Variants in NAT1 observed in about 807,000 individuals in gnomAD.
The protein encoded by NAT1 is arylamine N-acetyltransferase 1.
For synonymous variants in NAT1, 144 were observed against 122.6 expected (o/e 1.17, Z -1.16); for missense variants, 400 against 339.2 (o/e 1.18, Z -1.41).
At chr8:18,186,835 G>GA (rs1802758213) in intron 2 of NAT1, among the ~76,000 whole-genome samples, 1 of 152,108 alleles carries the variant, frequency 6.6e-6, no homozygotes, top group Non-Finnish European at 1.5e-5. Flanking sequence ...CACAGCAAAA[G>GA]AAACTATCAA....
At chr8:18,199,011 C>T (rs1444519973) in intron 2 of NAT1, among the ~76,000 whole-genome samples, 1 of 151,696 alleles carries the variant, frequency 6.6e-6, no homozygotes, top group East Asian at 2.0e-4. Context: ...CAACTGAAAT[C>T]TCCTTTAAGA....
intron 2 of NAT1, among the ~76,000 whole-genome samples, chr8:18,178,969 A>G (rs1000095301): frequency 1.1e-4 from 17 of 152,110 alleles, no homozygotes; most frequent in African/African-American, 4.1e-4. Flanking sequence ...ATCCTTCTCT[A>G]TAGAATACCT....
At chr8:18,219,616 T>A (rs564391555) in intron 2 of NAT1, 127 bp downstream of exon 2, 1 of 570,238 alleles carries the variant, frequency 1.8e-6, no homozygotes, top group East Asian at 3.0e-5. Context: ...ATTCTACAAG[T>A]GGATATATAA....
chr8:18,197,823 G>T (rs1412313302), intron 2 of NAT1, among the ~76,000 whole-genome samples: 1 of 151,730 alleles, frequency 6.6e-6, no homozygotes, highest in African/African-American at 2.4e-5. Flanking sequence ...CATGTGACCT[G>T]GTTCTGACCA....
chr8:18,214,947 C>T (rs1245320715), intron 1 of NAT1, among the ~76,000 whole-genome samples: 2 of 152,328 alleles, frequency 1.3e-5, no homozygotes, highest in Non-Finnish European at 1.5e-5. Context: ...TATTTCATTT[C>T]CTGCTCCTAT....
intron 2 of NAT1, among the ~76,000 whole-genome samples, chr8:18,174,406 T>G (rs1802210952): frequency 6.6e-6 from 1 of 152,104 alleles, no homozygotes; most frequent in Admixed American, 6.6e-5. Context: ...ACCTCACCCC[T>G]TAATTTCCTC....
At position 18,222,537 on chromosome 8, in the gene NAT1, A is replaced by T; in HGVS notation, c.490A>T (p.Ile164Phe). Residue 164 changes from isoleucine to phenylalanine, a missense_variant, in exon 3 of 3, where the codon ATC (isoleucine) becomes TTC (phenylalanine). Ile to Phe is a conservative substitution (Grantham distance 21). Transcript: ENST00000307719. The part of the protein sequence containing the change: ...EENGFWYLDQ[I>F]RREQYIPNEE... Reference sequence around the variant, plus strand: ...GAATGGATTCTGGTATCTAGACCAAATCAGAAGGGAACAGTACATTCCAAA... The same window carrying T: ...GAATGGATTCTGGTATCTAGACCAATTCAGAAGGGAACAGTACATTCCAAA... The T allele has an allele frequency of 6.2e-7, 1 of 1,614,150 alleles. No individual in the cohort carries two copies. The highest frequency in any genetic ancestry group is 8.5e-7 in the Non-Finnish European group (1 of 1,180,012).
chr8:18,170,855 C>T (rs992125053), intron 2 of NAT1: 1 of 151,990 alleles, frequency 6.6e-6, no homozygotes, highest in South Asian at 2.1e-4. Context: ...GAGCTCTCCA[C>T]GTTTATCTCA....
intron 2 of NAT1, among the ~76,000 whole-genome samples, chr8:18,185,344 T>C (rs1161608588): frequency 6.6e-6 from 1 of 152,214 alleles, no homozygotes; most frequent in East Asian, 1.9e-4. Flanking sequence ...TTCAGGATTA[T>C]TTAGAATTTC....
intron 2 of NAT1, among the ~76,000 whole-genome samples, chr8:18,199,829 A>C (rs1803388509): frequency 6.6e-6 from 1 of 152,226 alleles, no homozygotes; most frequent in Non-Finnish European, 1.5e-5. Context: ...GCAAAAAACA[A>C]ACAGCCACAT....
intron 2 of NAT1, among the ~76,000 whole-genome samples, chr8:18,173,527 A>G (rs1802177135): frequency 6.6e-6 from 1 of 152,148 alleles, no homozygotes; most frequent in African/African-American, 2.4e-5. Context: ...CTTTCTAATA[A>G]CTGGGATGGC....
upstream of NAT1, among the ~76,000 whole-genome samples, chr8:18,208,126 G>T (rs907070483): frequency 6.6e-6 from 1 of 151,436 alleles, no homozygotes; most frequent in African/African-American, 2.4e-5. Context: ...GGTGAGGAGG[G>T]TGGGGGTATG....
At chr8:18,186,388 A>C (rs967920828) in intron 2 of NAT1, among the ~76,000 whole-genome samples, 4 of 152,142 alleles carry the variant, frequency 2.6e-5, no homozygotes, top group Non-Finnish European at 5.9e-5. Context: ...AGCTTGCATG[A>C]TACTGGTGTA....
chr8:18,207,390 G>GTT (rs28741078), upstream of NAT1, among the ~76,000 whole-genome samples: 1 of 151,364 alleles, frequency 6.6e-6, no homozygotes, highest in African/African-American at 2.4e-5. Flanking sequence ...TTTTAAAATA[G>GTT]TTTTTTTTTC....
At chr8:18,176,225 T>G (rs1802289608) in intron 2 of NAT1, among the ~76,000 whole-genome samples, 1 of 152,064 alleles carries the variant, frequency 6.6e-6, no homozygotes, top group South Asian at 2.1e-4. Flanking sequence ...GATCCCAATT[T>G]GTCCACTTTT....
intron 2 of NAT1, among the ~76,000 whole-genome samples, chr8:18,194,548 C>T (rs902866848): frequency 6.6e-6 from 1 of 151,918 alleles, no homozygotes; most frequent in African/African-American, 2.4e-5. Flanking sequence ...TGGCTGGGCA[C>T]GGTGGCTCAC....
intron 2 of NAT1, among the ~76,000 whole-genome samples, chr8:18,180,578 T>C (rs917811908): frequency 6.6e-6 from 1 of 152,238 alleles, no homozygotes. Context: ...TAAAATGAGT[T>C]TGAGTTCTAT....
chr8:18,222,723 C>G lies in NAT1; in HGVS notation c.676C>G (p.Gln226Glu). 1.2e-6 allele frequency: 2 copies of G among 1,613,976 alleles called. No homozygotes were observed. The highest frequency in any genetic ancestry group is 8.5e-7 in the Non-Finnish European group (1 of 1,179,948). ...VFTSKSFCSL[Q>E]TPDGVHCLVG... Reference sequence around the variant, plus strand: ...TACTAGTAAATCATTTTGTTCCTTGCAGACCCCAGATGGGGTTCACTGTTT... The same window carrying G: ...TACTAGTAAATCATTTTGTTCCTTGGAGACCCCAGATGGGGTTCACTGTTT... The change falls in exon 3 of 3, where the codon CAG (glutamine) becomes GAG (glutamate). Residue 226 changes from glutamine (Q) to glutamate (E), a missense_variant. Physicochemically the swap from Gln to Glu is conservative, Grantham distance 29 (BLOSUM62 2). Coordinates refer to ENST00000307719, the MANE Select transcript of NAT1 (RefSeq NM_000662.8).
intron 2 of NAT1, among the ~76,000 whole-genome samples, chr8:18,192,749 C>G (rs1803051124): frequency 1.3e-5 from 2 of 151,394 alleles, no homozygotes; most frequent in African/African-American, 4.9e-5. Context: ...GACAAAAAAC[C>G]AAACACTGCA....
Sources: gnomAD v4.1 joint callset for allele counts (sites outside exome capture counted in the v4.1 genomes callset) on GRCh38, gnomAD v4.1.1 for gene constraint, MANE v1.5 for transcripts, NCBI Gene and HGNC (gene_info 2026-07-23, HGNC 2026-07-21) for gene names.